PTPN4: variants seen among roughly 807,000 people sequenced by gnomAD.
PTPN4 encodes the protein tyrosine-protein phosphatase non-receptor type 4.
In PTPN4, 49 loss-of-function variants were observed where a neutral mutation model predicts 135.5. The observed-to-expected ratio is 0.36, with a 90% CI of 0.29 to 0.46. The LOEUF is 0.46. Ranked by LOEUF, PTPN4 falls within the 20% of genes least tolerant of loss-of-function variation. PTPN4 has a pLI of 1.00. For missense variants in PTPN4, 860 were observed against 1,101.0 expected, an observed-to-expected ratio of 0.78 and a Z score of 3.10; for synonymous variants, 333 against 369.9, an observed-to-expected ratio of 0.90 and a Z score of 1.14.
At chr2:119,824,362 A>T (rs145588277) in intron 2 of PTPN4, among the ~76,000 whole-genome samples, 8 of 152,224 alleles carry the variant, frequency 5.3e-5, no homozygotes, top group South Asian at 4.1e-4. Context: ...TTTATATTTT[A>T]AAAAAATTGA....
chr2:119,846,303 A>G (rs1283696760), intron 2 of PTPN4, among the ~76,000 whole-genome samples: 1 of 152,184 alleles, frequency 6.6e-6, no homozygotes, highest in Non-Finnish European at 1.5e-5. Context: ...GGAGTCTCCA[A>G]CCATTATTGA....
chr2:119,854,872 A>G (rs1286977721), intron 2 of PTPN4, among the ~76,000 whole-genome samples: 1 of 152,148 alleles, frequency 6.6e-6, no homozygotes, highest in Non-Finnish European at 1.5e-5. Flanking sequence ...GTTTTCTTCT[A>G]CTTGACTAGA....
At chr2:119,876,897 A>ATATGTGTG (rs1491120929) in intron 3 of PTPN4, among the ~76,000 whole-genome samples, 33 of 136,138 alleles carry the variant, frequency 2.4e-4, no homozygotes, top group Admixed American at 9.7e-4. Flanking sequence ...GCCCAAGAGC[A>ATATGTGTG]TGTGTGTGTG....
intron 26 of PTPN4, among the ~76,000 whole-genome samples, chr2:119,975,626 G>T (rs1284532915): frequency 6.6e-6 from 1 of 152,150 alleles, no homozygotes; most frequent in Non-Finnish European, 1.5e-5. Flanking sequence ...TCCGGAGGCT[G>T]AGGCAGGAGA....
At chr2:119,766,479 TGTGTCTG>T in intron 1 of PTPN4, among the ~76,000 whole-genome samples, 1 of 122,340 alleles carries the variant, frequency 8.2e-6, no homozygotes, top group African/African-American at 4.0e-5. Flanking sequence ...TGTGTGTGTG[TGTGTCTG>T]TGTGTGTGTG....
intron 2 of PTPN4, among the ~76,000 whole-genome samples, chr2:119,844,363 C>A (rs1677443314): frequency 1.0e-5 from 1 of 96,614 alleles, no homozygotes; most frequent in South Asian, 3.6e-4. Context: ...CCCCCCCCCA[C>A]CTCCCTCCCG....
chr2:119,968,325 C>A (rs1326749846), intron 26 of PTPN4, among the ~76,000 whole-genome samples: 1 of 152,062 alleles, frequency 6.6e-6, no homozygotes, highest in Non-Finnish European at 1.5e-5. Flanking sequence ...ATGCAAGTTG[C>A]CTGGCATATT....
At chr2:119,791,849 G>A (rs1223850055) in intron 1 of PTPN4, among the ~76,000 whole-genome samples, 1 of 152,036 alleles carries the variant, frequency 6.6e-6, no homozygotes, top group Non-Finnish European at 1.5e-5. Context: ...GAGGAGGTAG[G>A]TGCCATTATT....
Position 119,829,726 on chromosome 2 carries a change from A to G in PTPN4, c.138+19735A>G, listed in dbSNP as rs574727701. 2.8e-4 allele frequency among the ~76,000 whole-genome samples: 42 copies of G among 152,270 alleles called. No homozygotes were observed. In the East Asian group the frequency reaches 7.1e-3, roughly 26 times the overall value. On this transcript the variant is annotated intron_variant, in intron 2 of 26. Coordinates refer to ENST00000263708, the MANE Select transcript of PTPN4 (RefSeq NM_002830.4). ...TTTGTTTACTCATTCATCTGCTGAC[A>G]GGCACTTGGGTTGTTTCTACCTTTT...
chr2:119,796,041 ATGATTGCC>A (rs1691251639), intron 1 of PTPN4, among the ~76,000 whole-genome samples: 1 of 152,184 alleles, frequency 6.6e-6, no homozygotes, highest in South Asian at 2.1e-4. Flanking sequence ...AGTGGGGAGC[ATGATTGCC>A]GAGGCTTCGG....
intron 1 of PTPN4, among the ~76,000 whole-genome samples, chr2:119,801,759 G>T (rs903084293): frequency 6.6e-6 from 1 of 152,054 alleles, no homozygotes; most frequent in Non-Finnish European, 1.5e-5. Flanking sequence ...GGGTGACCTC[G>T]CTGAACTTAC....
At chr2:119,974,527 T>G (rs1679586796) in intron 26 of PTPN4, among the ~76,000 whole-genome samples, 1 of 152,146 alleles carries the variant, frequency 6.6e-6, no homozygotes, top group African/African-American at 2.4e-5. Context: ...TTTTTCTTAG[T>G]GATATCCAGA....
Position 119,862,630 on chromosome 2 carries a change from C to T in PTPN4, c.233C>T (p.Ser78Phe), listed in dbSNP as rs145726868. 306 of 1,607,140 alleles carry T rather than the reference C, an allele frequency of 1.9e-4. 1 individual carries two copies. The East Asian group carries it at 6.6e-3, about 35-fold the overall frequency. ...TTTGGTTTACAGTTGGCTGATGATT[C>T]CACAGATAACCCAGTAAGTGTAAGA... The part of the protein sequence containing the change: ...DYFGLQLADD[S>F]TDNPRWLDPN... Residue 78 changes from serine to phenylalanine, a missense_variant, in exon 3 of 27, where the codon TCC (serine) becomes TTC (phenylalanine). By Grantham distance (155) the Ser-to-Phe change is radical (BLOSUM62 -2). This residue lies in a region of PTPN4 where 684 missense variants were observed against 807.0 expected (regional missense o/e 0.85). Coordinates refer to ENST00000263708, the MANE Select transcript of PTPN4 (RefSeq NM_002830.4).
rs1374413080 is a variant in PTPN4, at chr2:119,977,834, A to G, written c.*764A>G. The stretch of plus-strand genomic sequence containing the variant: ...GTCTTAACCCCTTAAGTGCCTTGAG[A>G]CGTCCTTGTATGTCTAACGAAAAGG... On this transcript the variant is annotated 3_prime_UTR_variant, in exon 27 of 27. Transcript: ENST00000263708. 1 of 152,220 alleles carries G rather than the reference A, an allele frequency of 6.6e-6. No individual in the cohort carries two copies. The highest frequency in any genetic ancestry group is 1.9e-4 in the East Asian group (1 of 5,204). 9.4% of individuals were successfully genotyped at this position (152,220 alleles called of 1,614,324 possible).
At chr2:119,930,566 A>G (rs1478526619) in intron 13 of PTPN4, among the ~76,000 whole-genome samples, 2 of 152,180 alleles carry the variant, frequency 1.3e-5, no homozygotes, top group Non-Finnish European at 2.9e-5. Flanking sequence ...AGCCACATCT[A>G]GAATTCAGAG....
At chr2:119,822,679 C>T (rs982886914) in intron 2 of PTPN4, among the ~76,000 whole-genome samples, 6 of 152,046 alleles carry the variant, frequency 3.9e-5, no homozygotes, top group Admixed American at 6.6e-5. Flanking sequence ...TCTCTTTAGC[C>T]GATATCTTCT....
At position 119,846,553 on chromosome 2, in the gene PTPN4, T is replaced by C. The variant is rs181040655; in HGVS notation, c.139-15983T>C. ...TTTAGCAGCATATACTTGCGTCTTA[T>C]TTTTTTTTTTTACCAGTCTGACATC... On this transcript the variant is annotated intron_variant, in intron 2 of 26. Transcript: ENST00000263708. Among the ~76,000 whole-genome samples, 385 of 128,954 alleles carry C rather than the reference T, an allele frequency of 3.0e-3. 2 individuals are homozygous for C. The highest frequency in any genetic ancestry group is 3.5e-3 in the Admixed American group (49 of 13,932). The allele number at this position is 128,954 out of a possible 152,430, so 84.6% of individuals were successfully genotyped here. A position where few individuals can be genotyped will look rare whatever the true frequency, so the allele number is the denominator to read the frequency against.
chr2:119,782,326 G>A (rs1209178693), intron 1 of PTPN4, among the ~76,000 whole-genome samples: 2 of 152,122 alleles, frequency 1.3e-5, no homozygotes, highest in Non-Finnish European at 2.9e-5. Flanking sequence ...GGCTGAGGCA[G>A]GAGAATTGCT....
chr2:119,812,302 G>T (rs1452093797), intron 2 of PTPN4, among the ~76,000 whole-genome samples: 1 of 152,104 alleles, frequency 6.6e-6, no homozygotes, highest in Non-Finnish European at 1.5e-5. Flanking sequence ...GAAATCCTTT[G>T]TGGGCAGCTG....
Sources: allele counts gnomAD v4.1 joint callset (sites outside exome capture counted in the v4.1 genomes callset), GRCh38; gene constraint gnomAD v4.1.1; regional missense constraint gnomAD v4.1.1; transcripts MANE v1.5; gene names NCBI Gene and HGNC (gene_info 2026-07-23, HGNC 2026-07-21).